Variants in TICRR observed in about 807,000 individuals in gnomAD.
TICRR encodes the protein TOPBP1 interacting checkpoint and replication regulator.
TICRR carries 132 observed loss-of-function variants against 178.1 expected under a neutral mutation model. That is an observed-to-expected ratio of 0.74 (90% CI 0.64 to 0.86). TICRR has a LOEUF of 0.86. TICRR is among the 40% of genes least tolerant of loss of function. TICRR has a pLI of 0.00. For missense variants in TICRR, 2,587 were observed against 2,334.3 expected, an observed-to-expected ratio of 1.11 and a Z score of -2.23; for synonymous variants, 991 against 900.7, an observed-to-expected ratio of 1.10 and a Z score of -1.79.
rs1963052649 is a variant in TICRR, at chr15:89,599,256, A to G, written c.1901-68A>G. ...GAAATATTTTCCCCAGTGGACAACA[A>G]CTGGCCTAAGTAATACAAGGACTTG... On this transcript the variant is annotated intron_variant, in intron 7 of 21. Transcript: ENST00000268138. The G allele has an allele frequency of 8.3e-6, 11 of 1,324,992 alleles. 1 individual carries two copies. The South Asian group carries it at 1.2e-4, about 14-fold the overall frequency. 82.1% of individuals were successfully genotyped at this position (1,324,992 alleles called of 1,614,324 possible).
intron 4 of TICRR, among the ~76,000 whole-genome samples, chr15:89,588,272 C>T (rs1046511284): frequency 1.3e-5 from 2 of 151,998 alleles, no homozygotes; most frequent in South Asian, 2.1e-4. Flanking sequence ...GGAAGTTTGC[C>T]GGGATAGTCG....
chr15:89,577,901 G>A (rs552487142), intron 1 of TICRR, among the ~76,000 whole-genome samples: 1 of 152,148 alleles, frequency 6.6e-6, no homozygotes, highest in East Asian at 1.9e-4. Flanking sequence ...ATGAGCCACC[G>A]TGCCTGGCAG....
At chr15:89,603,373 C>G (rs774728256) in intron 13 of TICRR, among the ~76,000 whole-genome samples, 11 of 152,122 alleles carry the variant, frequency 7.2e-5, no homozygotes, top group Non-Finnish European at 1.5e-4. Context: ...CACCAACAGT[C>G]TGAGACCAGC....
chr15:89,627,170 C>G lies in TICRR; in HGVS notation c.*84C>G. ...AGAAGTTGGATGCCTGGTCCCAAGCCTCTTTTGCCATGGTCAGTGTTCAGA... is the reference window on the plus strand; with the variant it reads ...AGAAGTTGGATGCCTGGTCCCAAGCGTCTTTTGCCATGGTCAGTGTTCAGA... On this transcript the variant is annotated 3_prime_UTR_variant, in exon 22 of 22. Transcript: ENST00000268138. 8 of 1,547,710 alleles carry G rather than the reference C, an allele frequency of 5.2e-6. No homozygotes were observed. The highest frequency in any genetic ancestry group is 1.1e-5 in the South Asian group (1 of 87,808).
chr15:89,589,747 A>T (rs1962879693), intron 4 of TICRR, among the ~76,000 whole-genome samples: 1 of 152,180 alleles, frequency 6.6e-6, no homozygotes, highest in African/African-American at 2.4e-5. Context: ...AATTCTACAA[A>T]ATCTTACACT....
At chr15:89,626,932 C>CTAA (rs753975951) in intron 21 of TICRR, 24 bp from the exon 22 acceptor site, 17 of 1,610,930 alleles carry the variant, frequency 1.1e-5, no homozygotes, top group Non-Finnish European at 1.4e-5. Context: ...CTCCTGCATG[C>CTAA]TAAGCCTTTC....
In TICRR at chr15:89,594,493, C is replaced by T. The variant is rs371512256; in HGVS notation, c.1620C>T (p.Leu540=). Residue 540 remains leucine (L), a synonymous_variant, in exon 6 of 22, where the codon CTC becomes CTT. Coordinates refer to ENST00000268138, the MANE Select transcript of TICRR (RefSeq NM_152259.4). ...EGELIHCLAE[L]YQRKSREEST... ...AATTAATACATTGCCTTGCCGAGCTCTACCAGAGAAAATCTCGTGAAGAAT... is the reference window on the plus strand; with the variant it reads ...AATTAATACATTGCCTTGCCGAGCTTTACCAGAGAAAATCTCGTGAAGAAT... 1.2e-6 allele frequency: 2 copies of T among 1,613,222 alleles called. No homozygotes were observed. Among genetic ancestry groups the T allele is most frequent in the Admixed American group, 3.3e-5 (2 of 59,862 alleles).
intron 1 of TICRR, among the ~76,000 whole-genome samples, chr15:89,579,195 A>G (rs1214545842): frequency 1.3e-5 from 2 of 152,200 alleles, no homozygotes; most frequent in African/African-American, 2.4e-5. Context: ...AATCAAATAG[A>G]TGTGGTCCCT....
In TICRR at chr15:89,575,968, A is replaced by C. The variant is rs1270231311; in HGVS notation, c.382A>C (p.Ser128Arg). Residue 128 changes from serine (S) to arginine (R), a missense_variant, in exon 1 of 22, where the codon AGC becomes CGC. Physicochemically the swap from Ser to Arg is moderately radical, Grantham distance 110. Coordinates refer to ENST00000268138, the MANE Select transcript of TICRR (RefSeq NM_152259.4). Reference protein sequence around the residue: ...ITSPTKPILRSSGRRLLDVES... With the variant: ...ITSPTKPILRRSGRRLLDVES... The stretch of plus-strand genomic sequence containing the variant: ...GTCGCCCACGAAGCCGATCCTGCGG[A>C]GCAGCGGGAGGAGACTGCTGGACGT... 6.2e-7 allele frequency: 1 copy of C among 1,603,580 alleles called. No homozygotes were observed. Among genetic ancestry groups the C allele is most frequent in the Non-Finnish European group, 8.5e-7 (1 of 1,176,688 alleles).
At position 89,624,357 on chromosome 15, in the gene TICRR, A is replaced by C; in HGVS notation, c.4047A>C (p.Val1349=). ...AAGAGCCCCAGATGTCACCCAGCGT[A>C]GCTGCATCTCTCTCCTGCCCTGTTC... The part of the protein sequence containing the change: ...DQKEPQMSPS[V]AASLSCPVPS... The change falls in exon 20 of 22, where the codon GTA becomes GTC. Residue 1349 remains valine (V), a synonymous_variant. Coordinates refer to ENST00000268138, the MANE Select transcript of TICRR (RefSeq NM_152259.4). The C allele has an allele frequency of 6.2e-7, 1 of 1,614,164 alleles. No homozygotes were observed. The highest frequency in any genetic ancestry group is 8.5e-7 in the Non-Finnish European group (1 of 1,180,012).
chr15:89,580,501 A>G (rs1962704735), intron 1 of TICRR, among the ~76,000 whole-genome samples: 1 of 152,230 alleles, frequency 6.6e-6, no homozygotes, highest in Non-Finnish European at 1.5e-5. Context: ...GTGAACACAG[A>G]TATAGATACA....
In TICRR at chr15:89,575,664, C is replaced by T. The variant is rs761279082; in HGVS notation, c.78C>T (p.Ala26=). 2 of 1,579,610 alleles carry T rather than the reference C, an allele frequency of 1.3e-6. No homozygotes were observed. The highest frequency in any genetic ancestry group is 1.7e-6 in the Non-Finnish European group (2 of 1,165,252). ...CCCGCCACAGCCGGGTCCGGCGGGC[C>T]GCCCTGCGCCTCCTCACCTATCTGA... ...GAARHSRVRR[A]ALRLLTYLSC... is the part of the protein sequence containing the mutation. Residue 26 remains alanine (A), a synonymous_variant, in exon 1 of 22, where the codon GCC becomes GCT. Coordinates refer to ENST00000268138, the MANE Select transcript of TICRR (RefSeq NM_152259.4).
Position 89,624,975 on chromosome 15 carries a change from C to T in TICRR, c.4665C>T (p.Ser1555=), listed in dbSNP as rs762966939. 2.5e-6 allele frequency: 4 copies of T among 1,614,086 alleles called. No individual in the cohort carries two copies. The East Asian group carries it at 6.7e-5, about 27-fold the overall frequency. Residue 1555 remains serine (S), a synonymous_variant, in exon 20 of 22, where the codon AGC becomes AGT. Coordinates refer to ENST00000268138, the MANE Select transcript of TICRR (RefSeq NM_152259.4). ...CTTGGCATTCCACAGACTCTGCCAG[C>T]CCACAGACCTATGAGGTTGAGCTGG... ...ASAWHSTDSA[S]PQTYEVELEM...
chr15:89,594,598 G>C (rs749414963), intron 6 of TICRR, 44 bp downstream of exon 6: 2 of 1,463,414 alleles, frequency 1.4e-6, no homozygotes, highest in South Asian at 1.5e-5. Context: ...TCTTTTTTGA[G>C]ACTGTATGTT....
intron 15 of TICRR, 131 bp downstream of exon 15, chr15:89,609,080 G>A: frequency 2.4e-6 from 1 of 418,334 alleles, no homozygotes; most frequent in Non-Finnish European, 3.8e-6. Context: ...TCTAGCTAAA[G>A]GTTTGTCAAT....
chr15:89,621,118 C>T (rs1243948275), intron 18 of TICRR, among the ~76,000 whole-genome samples: 1 of 151,974 alleles, frequency 6.6e-6, no homozygotes, highest in Non-Finnish European at 1.5e-5. Flanking sequence ...CTCCTGGGTT[C>T]AAGCAATTCT....
At position 89,599,411 on chromosome 15, in the gene TICRR, G is replaced by T. The variant is rs754938454; in HGVS notation, c.1988G>T (p.Cys663Phe). 6.2e-7 allele frequency: 1 copy of T among 1,613,814 alleles called. No individual in the cohort carries two copies. Among genetic ancestry groups the T allele is most frequent in the East Asian group, 2.2e-5 (1 of 44,866 alleles). Residue 663 changes from cysteine to phenylalanine, a missense_variant, in exon 8 of 22, where the codon TGT (cysteine) becomes TTT (phenylalanine). Transcript: ENST00000268138. ...VATGEIMLYA[C>F]ARNMISTVKM... ...ACAGGAGAAATCATGTTGTATGCAT[G>T]TGCTCGAAACATGATCTCAACCGTT...
chr15:89,592,432 T>C (rs1198744976), intron 5 of TICRR, among the ~76,000 whole-genome samples: 1 of 152,118 alleles, frequency 6.6e-6, no homozygotes, highest in Non-Finnish European at 1.5e-5. Flanking sequence ...TAAATATAAA[T>C]AAATACTCCC....
chr15:89,623,762 C>T lies in TICRR; in HGVS notation c.3452C>T (p.Ala1151Val), dbSNP rs760343470. Reference sequence around the variant, plus strand: ...GCAAAAATGACCCCTACAAAGCAGGCAGCTTTTAAGGAGTCCTTAAAAGAC... The same window carrying T: ...GCAAAAATGACCCCTACAAAGCAGGTAGCTTTTAAGGAGTCCTTAAAAGAC... Reference protein sequence around the residue: ...SPAKMTPTKQAAFKESLKDSS... With the variant: ...SPAKMTPTKQVAFKESLKDSS... The change falls in exon 20 of 22, where the codon GCA becomes GTA. Residue 1151 changes from alanine to valine, a missense_variant. Ala to Val is a moderately conservative substitution (Grantham distance 64). Transcript: ENST00000268138. 6.2e-7 allele frequency: 1 copy of T among 1,613,948 alleles called. No individual in the cohort carries two copies. The highest frequency in any genetic ancestry group is 8.5e-7 in the Non-Finnish European group (1 of 1,180,018).
Sources: allele counts gnomAD v4.1 joint callset (sites outside exome capture counted in the v4.1 genomes callset), GRCh38; gene constraint gnomAD v4.1.1; transcripts MANE v1.5; gene names NCBI Gene and HGNC (gene_info 2026-07-23, HGNC 2026-07-21).